Variants in CLCA4 observed in about 807,000 individuals in gnomAD.
CLCA4 encodes chloride channel accessory 4, also known as calcium-activated chloride channel regulator 4.
In CLCA4, 69 loss-of-function variants were observed where a neutral mutation model predicts 78.9. The observed-to-expected ratio is 0.87, with a 90% CI of 0.72 to 1.07. CLCA4 has a LOEUF of 1.07. Among genes scored for constraint, CLCA4 ranks in the 50% least tolerant of loss-of-function variants. CLCA4 has a pLI of 0.00. For synonymous variants in CLCA4, 362 were observed against 375.8 expected (o/e 0.96, Z 0.42); for missense variants, 1,133 against 1,095.8 (o/e 1.03, Z -0.48).
At chr1:86,562,656 C>A (rs1650057158) in intron 3 of CLCA4, among the ~76,000 whole-genome samples, 1 of 151,852 alleles carries the variant, frequency 6.6e-6, no homozygotes, top group African/African-American at 2.4e-5. Flanking sequence ...AGTTCGACAC[C>A]AGCCTGGCCA....
intron 1 of CLCA4, among the ~76,000 whole-genome samples, chr1:86,548,479 G>A (rs1239372223): frequency 2.0e-5 from 3 of 151,926 alleles, no homozygotes; most frequent in Admixed American, 6.6e-5. Context: ...TCAGGATTTC[G>A]AGACCAGGCT....
At chr1:86,574,282 C>G (rs1437475986) in intron 9 of CLCA4, among the ~76,000 whole-genome samples, 3 of 151,964 alleles carry the variant, frequency 2.0e-5, no homozygotes, top group African/African-American at 7.2e-5. Flanking sequence ...GCCAAGACAA[C>G]CGGGAAAAAA....
At chr1:86,571,532 G>A in intron 8 of CLCA4, 1 of 243,260 alleles carries the variant, frequency 4.1e-6, no homozygotes. Context: ...TACTAGAGTT[G>A]TATAGAGCCA....
At chr1:86,565,056 T>C (rs1357344581) in intron 4 of CLCA4, among the ~76,000 whole-genome samples, 1 of 152,076 alleles carries the variant, frequency 6.6e-6, no homozygotes, top group African/African-American at 2.4e-5. Flanking sequence ...ATTGTGTTTA[T>C]CTGGAGGCCC....
At chr1:86,553,081 G>A in intron 1 of CLCA4, 1 of 696,702 alleles carries the variant, frequency 1.4e-6, no homozygotes, top group Non-Finnish European at 2.6e-6. Context: ...GTCCAGCGGC[G>A]CCCACCCTGC....
chr1:86,573,275 C>T lies in CLCA4; in HGVS notation c.1467+555C>T, dbSNP rs538317729. Among the ~76,000 whole-genome samples the T allele has an allele frequency of 9.3e-4, 142 of 151,900 alleles. 2 individuals carry two copies. Among genetic ancestry groups the T allele is most frequent in the African/African-American group, 3.2e-3 (131 of 41,468 alleles). ...GCTTTTTTTTTATTCACCTGTCTTC[C>T]GAACTTAACACTTTTGCTCATCTGG... On this transcript the variant is annotated intron_variant, in intron 9 of 13. Coordinates refer to ENST00000370563, the MANE Select transcript of CLCA4 (RefSeq NM_012128.4).
chr1:86,572,131 A>G (rs1650366834), intron 8 of CLCA4, among the ~76,000 whole-genome samples: 1 of 152,036 alleles, frequency 6.6e-6, no homozygotes, highest in African/African-American at 2.4e-5. Context: ...ATACCTAAAT[A>G]TAGCAGCTCT....
chr1:86,553,760 C>T (rs1262870202), intron 1 of CLCA4, among the ~76,000 whole-genome samples: 1 of 152,078 alleles, frequency 6.6e-6, no homozygotes, highest in African/African-American at 2.4e-5. Context: ...CATTGCGAAA[C>T]CCTCTCTCTA....
chr1:86,564,493 G>A (rs1268106435), intron 4 of CLCA4, among the ~76,000 whole-genome samples: 3 of 152,068 alleles, frequency 2.0e-5, no homozygotes, highest in Non-Finnish European at 4.4e-5. Flanking sequence ...TGCTGCTGCA[G>A]AATATTCAGC....
rs190628533 is a variant in CLCA4, at chr1:86,560,300, C to T, written c.390C>T (p.Tyr130=). ...QFTECGEKGE[Y]IHFTPDLLLG... ...CAGAATGTGGAGAGAAAGGCGAATA[C>T]ATTCACTTCACCCCTGACCTTCTAC... The change falls in exon 3 of 14, where the codon TAC becomes TAT. Residue 130 remains tyrosine (Y), a synonymous_variant. Transcript: ENST00000370563. The T allele has an allele frequency of 6.2e-7, 1 of 1,613,780 alleles. No homozygotes were observed. Among genetic ancestry groups the T allele is most frequent in the East Asian group, 2.2e-5 (1 of 44,874 alleles).
chr1:86,575,301 A>T, intron 10 of CLCA4, 31 bp from the exon 11 acceptor site: 1 of 1,566,634 alleles, frequency 6.4e-7, no homozygotes, highest in Non-Finnish European at 8.7e-7. Flanking sequence ...TTGACTTTGG[A>T]TACTTACTAT....
Position 86,560,772 on chromosome 1 carries a change from T to A in CLCA4, c.448+414T>A, listed in dbSNP as rs1347925854. Among the ~76,000 whole-genome samples the A allele has an allele frequency of 5.3e-5, 8 of 152,054 alleles. No homozygotes were observed. The East Asian group carries it at 1.5e-3, about 29-fold the overall frequency. On this transcript the variant is annotated intron_variant, in intron 3 of 13. Transcript: ENST00000370563. ...CAGATGTATAGTAAGCTGGAAAGAG[T>A]CATGTTGCCAGTTACTGGTCAAGAG...
rs749103949 is a variant in CLCA4, at chr1:86,565,952, G to A, written c.886G>A (p.Val296Ile). The change falls in exon 6 of 14, where the codon GTC becomes ATC. Residue 296 changes from valine (V) to isoleucine (I), a missense_variant. Val to Ile is a conservative substitution (Grantham distance 29, BLOSUM62 3). Transcript: ENST00000370563. ...IPMVTPPPPP[V>I]FSLLKISQRI... ...CATGGTGACACCACCTCCTCCACCT[G>A]TCTTCTCATTGCTGAAGATCAGTCA... is the stretch of plus-strand genomic sequence containing the variant. The A allele has an allele frequency of 3.7e-6, 6 of 1,613,256 alleles. No homozygotes were observed. The highest frequency in any genetic ancestry group is 5.1e-6 in the Non-Finnish European group (6 of 1,179,402).
Position 86,579,657 on chromosome 1 carries a change from G to A in CLCA4, c.2356+70G>A, listed in dbSNP as rs1474919560. The A allele has an allele frequency of 1.0e-4, 102 of 992,518 alleles. 2 individuals are homozygous for A. Among genetic ancestry groups the A allele is most frequent in the Non-Finnish European group, 1.4e-5 (9 of 626,636 alleles). The allele number at this position is 992,518 out of a possible 1,614,324, so 61.5% of individuals were successfully genotyped here. On this transcript the variant is annotated intron_variant, in intron 13 of 13. Coordinates refer to ENST00000370563, the MANE Select transcript of CLCA4 (RefSeq NM_012128.4). ...TAATTGCAAAAACAGGGGTGTAAGGGTGGGTGGGGGGAGAATGGTTTTATA... is the reference window on the plus strand; with the variant it reads ...TAATTGCAAAAACAGGGGTGTAAGGATGGGTGGGGGGAGAATGGTTTTATA...
intron 3 of CLCA4, 30 bp downstream of exon 3, chr1:86,560,388 C>T (rs751385364): frequency 1.9e-6 from 3 of 1,609,236 alleles, no homozygotes; most frequent in Non-Finnish European, 1.7e-6. Context: ...AATAATTTTG[C>T]AGTGATTGCA....
At position 86,577,939 on chromosome 1, in the gene CLCA4, G is replaced by A. The variant is rs1423719860; in HGVS notation, c.1989G>A (p.Arg663=). ...DSFKNDGVYS[R]YFTAYTENGR... ...TCAAGAATGATGGAGTCTACTCCAG[G>A]TATTTTACAGCATATACAGAAAATG... Residue 663 remains arginine, a synonymous_variant, in exon 12 of 14, where the codon AGG becomes AGA. Coordinates refer to ENST00000370563, the MANE Select transcript of CLCA4 (RefSeq NM_012128.4). The A allele has an allele frequency of 5.6e-6, 9 of 1,612,750 alleles. No homozygotes were observed. The East Asian group carries it at 1.8e-4, about 32-fold the overall frequency.
intron 1 of CLCA4, among the ~76,000 whole-genome samples, chr1:86,559,520 A>T (rs1255447234): frequency 6.6e-6 from 1 of 152,224 alleles, no homozygotes; most frequent in African/African-American, 2.4e-5. Context: ...TATGCCAACC[A>T]TACTGATAGA....
intron 3 of CLCA4, among the ~76,000 whole-genome samples, chr1:86,561,219 A>G (rs1362733576): frequency 1.3e-5 from 2 of 152,092 alleles, no homozygotes; most frequent in African/African-American, 2.4e-5. Context: ...TATCCTGACC[A>G]CGTTTGTTTT....
chr1:86,558,291 G>A (rs1177982078), intron 1 of CLCA4, among the ~76,000 whole-genome samples: 1 of 152,032 alleles, frequency 6.6e-6, no homozygotes, highest in African/African-American at 2.4e-5. Flanking sequence ...TGTGTGTCTG[G>A]CTTTATAGTG....
Sources: allele counts gnomAD v4.1 joint callset (sites outside exome capture counted in the v4.1 genomes callset), GRCh38; gene constraint gnomAD v4.1.1; transcripts MANE v1.5; gene names NCBI Gene and HGNC (gene_info 2026-07-23, HGNC 2026-07-21).